ROBO2: variants seen among roughly 807,000 people sequenced by gnomAD.
ROBO2 encodes roundabout guidance receptor 2, also known as roundabout homolog 2.
ROBO2 carries 53 observed loss-of-function variants against 160.8 expected under a neutral mutation model. That is an observed-to-expected ratio of 0.33 (90% CI 0.26 to 0.41). The LOEUF (loss-of-function observed/expected upper bound fraction) is 0.41. Among genes scored for constraint, ROBO2 ranks in the 10% least tolerant of loss-of-function variants. The pLI is 1.00. For synonymous variants in ROBO2, 664 were observed against 611.7 expected, an observed-to-expected ratio of 1.09 and a Z score of -1.26; for missense variants, 1,577 against 1,722.4, an observed-to-expected ratio of 0.92 and a Z score of 1.49.
At chr3:76,885,500 T>C (rs4102417) in intron 2 of ROBO2, among the ~76,000 whole-genome samples, 23,789 of 152,216 alleles carry the variant, frequency 0.16, 2,179 homozygotes, top group South Asian at 0.23. Flanking sequence ...TTATTAATGA[T>C]AGAGTTAATA....
rs564745479 is a variant in ROBO2, at chr3:76,580,671, T to C, written c.110-517343T>C. Among the ~76,000 whole-genome samples the C allele has an allele frequency of 2.8e-4, 42 of 152,230 alleles. 2 individuals carry two copies. Among genetic ancestry groups the C allele is most frequent in the South Asian group, 2.7e-3 (13 of 4,812 alleles). On this transcript the variant is annotated intron_variant, in intron 2 of 26. Coordinates refer to the ROBO2 transcript ENST00000487694. ...GTCATTATCTGAAAAATAGAGGCCC[T>C]TTATTTTAAAATACCAAGTGTTGTT...
At chr3:77,414,398 G>A (rs1449925164) in intron 2 of ROBO2, among the ~76,000 whole-genome samples, 1 of 152,208 alleles carries the variant, frequency 6.6e-6, no homozygotes, top group African/African-American at 2.4e-5. Context: ...CTAGTGTCCT[G>A]CAGTACGGGG....
At chr3:76,833,377 G>T (rs1265355352) in intron 2 of ROBO2, among the ~76,000 whole-genome samples, 1 of 152,120 alleles carries the variant, frequency 6.6e-6, no homozygotes, top group African/African-American at 2.4e-5. Context: ...TTACCACAAG[G>T]TGTCAGATAT....
chr3:76,073,356 C>T (rs1319504246), intron 2 of ROBO2, among the ~76,000 whole-genome samples: 15 of 128,660 alleles, frequency 1.2e-4, no homozygotes, highest in East Asian at 4.9e-4. Context: ...TGCAGGGGCG[C>T]GATCTGGGCT....
intron 23 of ROBO2, among the ~76,000 whole-genome samples, chr3:77,626,915 A>G (rs1435735812): frequency 6.6e-6 from 1 of 152,204 alleles, no homozygotes; most frequent in African/African-American, 2.4e-5. Context: ...TATGGAAACA[A>G]TGAAACCTGG....
intron 2 of ROBO2, among the ~76,000 whole-genome samples, chr3:76,846,137 T>C (rs999836797): frequency 2.0e-5 from 3 of 152,130 alleles, no homozygotes; most frequent in African/African-American, 7.2e-5. Flanking sequence ...CTTTATGAAA[T>C]AAAACTGTAT....
intron 2 of ROBO2, among the ~76,000 whole-genome samples, chr3:76,746,986 TC>T (rs1292152658): frequency 6.6e-6 from 1 of 152,116 alleles, no homozygotes; most frequent in Non-Finnish European, 1.5e-5. Flanking sequence ...GTGATCTTGT[TC>T]CTTTTTATGG....
chr3:76,798,811 T>C (rs752228889), intron 2 of ROBO2, among the ~76,000 whole-genome samples: 42 of 152,062 alleles, frequency 2.8e-4, no homozygotes, highest in Non-Finnish European at 4.9e-4. Flanking sequence ...GAGAATTGGT[T>C]GAGACTGGAA....
At chr3:77,385,768 T>A (rs2074034841) in intron 2 of ROBO2, among the ~76,000 whole-genome samples, 1 of 152,170 alleles carries the variant, frequency 6.6e-6, no homozygotes, top group African/African-American at 2.4e-5. Flanking sequence ...AGTAAGACAT[T>A]GTATGTTTTC....
At chr3:76,659,109 G>C (rs1413806820) in intron 2 of ROBO2, among the ~76,000 whole-genome samples, 1 of 151,934 alleles carries the variant, frequency 6.6e-6, no homozygotes, top group Non-Finnish European at 1.5e-5. Flanking sequence ...TTTGAGGGAG[G>C]CATTAAGTAC....
intron 2 of ROBO2, among the ~76,000 whole-genome samples, chr3:76,611,450 T>C (rs891705821): frequency 6.6e-6 from 1 of 152,184 alleles, no homozygotes; most frequent in Non-Finnish European, 1.5e-5. Flanking sequence ...TCTCATTACC[T>C]GTTATTGGTC....
chr3:77,456,888 T>C (rs994302064), intron 2 of ROBO2, among the ~76,000 whole-genome samples: 1 of 151,430 alleles, frequency 6.6e-6, no homozygotes, highest in South Asian at 2.1e-4. Context: ...GATATGGCAA[T>C]GTGAGGCATA....
intron 2 of ROBO2, among the ~76,000 whole-genome samples, chr3:76,118,641 G>A (rs2070582184): frequency 6.6e-6 from 1 of 152,092 alleles, no homozygotes; most frequent in African/African-American, 2.4e-5. Context: ...GAAGAATATA[G>A]TAAAGAAGGG....
At chr3:77,382,507 C>T (rs2073634244) in intron 2 of ROBO2, among the ~76,000 whole-genome samples, 1 of 151,890 alleles carries the variant, frequency 6.6e-6, no homozygotes, top group Admixed American at 6.6e-5. Context: ...TTTAGAGCAC[C>T]TGTCATCTGA....
At chr3:76,865,481 T>TG (rs1370301147) in intron 2 of ROBO2, among the ~76,000 whole-genome samples, 2 of 152,080 alleles carry the variant, frequency 1.3e-5, no homozygotes, top group Admixed American at 1.3e-4. Flanking sequence ...GACCACACTT[T>TG]GAGTAGTACT....
At chr3:76,193,769 T>C (rs1702118629) in intron 2 of ROBO2, among the ~76,000 whole-genome samples, 1 of 152,242 alleles carries the variant, frequency 6.6e-6, no homozygotes, top group South Asian at 2.1e-4. Flanking sequence ...GCTGGACTTG[T>C]TTACTGGCCA....
At chr3:76,236,132 AAAGTT>A (rs564043722) in intron 2 of ROBO2, among the ~76,000 whole-genome samples, 253 of 152,196 alleles carry the variant, frequency 1.7e-3, no homozygotes, top group Middle Eastern at 0.014. Context: ...TATTAATAAT[AAAGTT>A]AAGTCAATTA....
intron 2 of ROBO2, among the ~76,000 whole-genome samples, chr3:76,580,342 G>GTTTTTTTT (rs71101901): frequency 2.0e-4 from 18 of 90,524 alleles, no homozygotes; most frequent in Non-Finnish European, 3.3e-4. Context: ...TTTTTTTTGT[G>GTTTTTTTT]TTTTTTTTTT....
At chr3:75,942,979 C>A (rs76472922) in intron 2 of ROBO2, among the ~76,000 whole-genome samples, 1 of 150,310 alleles carries the variant, frequency 6.7e-6, no homozygotes, top group African/African-American at 2.4e-5. Flanking sequence ...TATCTACTAG[C>A]AGAGATTTGT....
Sources: allele counts gnomAD v4.1 joint callset (sites outside exome capture counted in the v4.1 genomes callset), GRCh38; gene constraint gnomAD v4.1.1; transcripts MANE v1.5; gene names NCBI Gene and HGNC (gene_info 2026-07-23, HGNC 2026-07-21).